The following NAPEPLD variants were observed in gnomAD, a reference collection of about 807,000 sequenced individuals.
The protein encoded by NAPEPLD is N-acyl phosphatidylethanolamine phospholipase D.
A neutral mutation model predicts 38.1 loss-of-function variants in NAPEPLD; 23 were observed. The ratio of observed to expected loss-of-function variants is 0.60; its 90% confidence interval spans 0.43 to 0.86. NAPEPLD has a LOEUF of 0.86. Among genes scored for constraint, NAPEPLD ranks in the 40% least tolerant of loss-of-function variants. The pLI is 0.00. For synonymous variants in NAPEPLD, 147 were observed against 162.0 expected (o/e 0.91, Z 0.71); for missense variants, 411 against 476.8 (o/e 0.86, Z 1.28).
chr7:103,112,026 T>C (rs1191057745), intron 4 of NAPEPLD, among the ~76,000 whole-genome samples: 2 of 151,992 alleles, frequency 1.3e-5, no homozygotes, highest in African/African-American at 2.4e-5. Context: ...CACTGGTCAT[T>C]AGAGAAATGC....
At chr7:103,110,294 A>C (rs1804254947) in intron 4 of NAPEPLD, among the ~76,000 whole-genome samples, 1 of 152,178 alleles carries the variant, frequency 6.6e-6, no homozygotes, top group South Asian at 2.1e-4. Context: ...AAAAAGAGAA[A>C]ATTTCAGGCC....
At chr7:103,130,998 G>A (rs1181987729) in intron 1 of NAPEPLD, among the ~76,000 whole-genome samples, 1 of 152,108 alleles carries the variant, frequency 6.6e-6, no homozygotes, top group Non-Finnish European at 1.5e-5. Flanking sequence ...CAGAAACAAT[G>A]ACCATCCATC....
At chr7:103,106,573 G>A (rs1024974968) in intron 4 of NAPEPLD, among the ~76,000 whole-genome samples, 5 of 152,082 alleles carry the variant, frequency 3.3e-5, no homozygotes, top group African/African-American at 9.7e-5. Flanking sequence ...GGGGAGGGGC[G>A]TCCGCCACTG....
chr7:103,111,943 G>T (rs1169667166), intron 4 of NAPEPLD, among the ~76,000 whole-genome samples: 1 of 152,026 alleles, frequency 6.6e-6, no homozygotes, highest in African/African-American at 2.4e-5. Flanking sequence ...AGTGGGCAAA[G>T]GATATGAACA....
intron 1 of NAPEPLD, chr7:103,148,234 C>T (rs1278317729): frequency 2.1e-6 from 1 of 469,616 alleles, no homozygotes; most frequent in East Asian, 1.5e-4. Context: ...AAGTAGCAAA[C>T]ATTTCATGCT....
intron 1 of NAPEPLD, among the ~76,000 whole-genome samples, chr7:103,136,590 A>C (rs1309741728): frequency 2.1e-5 from 3 of 145,028 alleles, no homozygotes; most frequent in East Asian, 3.9e-4. Flanking sequence ...TGTCTCACAA[A>C]AAAAAAAAAA....
At chr7:103,122,323 T>C (rs1806882609) in intron 2 of NAPEPLD, among the ~76,000 whole-genome samples, 1 of 152,036 alleles carries the variant, frequency 6.6e-6, no homozygotes, top group African/African-American at 2.4e-5. Context: ...GACCCAATTA[T>C]GTTTAGATAA....
At chr7:103,149,392 C>A (rs941362753), upstream of NAPEPLD, 1 of 1,177,220 alleles carries the variant, frequency 8.5e-7, no homozygotes, top group East Asian at 9.3e-5. Context: ...GGCAGGCGCT[C>A]GGGTTCTTCC....
Position 103,103,023 on chromosome 7 carries a change from T to C in NAPEPLD, c.*406A>G, listed in dbSNP as rs1429734783. The stretch of plus-strand genomic sequence containing the variant: ...TGTATTTGTAGGCCTCTGAAAAACA[T>C]CTAGGTAGGTAGAGAGCCTTGACTC... On this transcript the variant is annotated 3_prime_UTR_variant, in exon 5 of 5. Transcript: ENST00000465647. 6.5e-6 allele frequency: 1 copy of C among 153,322 alleles called. No individual in the cohort carries two copies. The highest frequency in any genetic ancestry group is 2.4e-5 in the African/African-American group (1 of 41,490). The allele number at this position is 153,322 out of a possible 1,614,324, so 9.5% of individuals were successfully genotyped here. A position where few individuals can be genotyped will look rare whatever the true frequency, so the allele number is the denominator to read the frequency against.
intron 1 of NAPEPLD, among the ~76,000 whole-genome samples, chr7:103,131,896 A>G (rs1422691056): frequency 2.0e-5 from 3 of 152,086 alleles, no homozygotes; most frequent in Non-Finnish European, 2.9e-5. Context: ...CGAGTGGATC[A>G]CGAGGTCAGG....
intron 4 of NAPEPLD, among the ~76,000 whole-genome samples, 171 bp from the exon 5 acceptor site, chr7:103,103,725 A>G (rs1277545831): frequency 3.3e-5 from 5 of 152,194 alleles, no homozygotes; most frequent in African/African-American, 1.2e-4. Flanking sequence ...TACAGTTTTG[A>G]GTCATGAATT....
intron 1 of NAPEPLD, among the ~76,000 whole-genome samples, chr7:103,144,380 A>G (rs1175512728): frequency 6.6e-6 from 1 of 152,200 alleles, no homozygotes; most frequent in Non-Finnish European, 1.5e-5. Flanking sequence ...TAGTTCTCTT[A>G]TAAATATAAT....
At position 103,141,237 on chromosome 7, in the gene NAPEPLD, GTTGTTTTTTTTTTTT is replaced by G. The variant is rs1475914032; in HGVS notation, c.-17+7559_-17+7573del. ...AATGTACATCAGAATTACCTGTGGAGTTGTTTTTTTTTTTTTTTTTTTTTTTTTGCAAGCAGATAA... is the reference window on the plus strand; with the variant it reads ...AATGTACATCAGAATTACCTGTGGAGTTTTTTTTTTTTTGCAAGCAGATAA... On this transcript the variant is annotated intron_variant, in intron 1 of 4. Coordinates refer to ENST00000465647, the MANE Select transcript of NAPEPLD (RefSeq NM_001122838.3). 5.2e-3 allele frequency: 413 copies of G among 79,166 alleles called. 3 individuals carry two copies. The highest frequency in any genetic ancestry group is 0.039 in the Middle Eastern group (4 of 102). 4.9% of individuals were successfully genotyped at this position (79,166 alleles called of 1,614,324 possible).
intron 4 of NAPEPLD, among the ~76,000 whole-genome samples, chr7:103,111,838 A>G (rs1329926785): frequency 6.6e-6 from 1 of 152,246 alleles, no homozygotes; most frequent in African/African-American, 2.4e-5. Flanking sequence ...AGAATGGGAG[A>G]AAATTTTTGC....
intron 2 of NAPEPLD, among the ~76,000 whole-genome samples, chr7:103,124,232 G>T (rs988089860): frequency 6.6e-6 from 1 of 152,198 alleles, no homozygotes; most frequent in Non-Finnish European, 1.5e-5. Context: ...GCCAAGGTGG[G>T]TGGATCACCT....
At chr7:103,145,145 T>G (rs983419093) in intron 1 of NAPEPLD, among the ~76,000 whole-genome samples, 2 of 152,184 alleles carry the variant, frequency 1.3e-5, no homozygotes, top group African/African-American at 4.8e-5. Flanking sequence ...GTGTGCGCAG[T>G]TTAAACTAAA....
chr7:103,137,681 T>G (rs1810344093), intron 1 of NAPEPLD, among the ~76,000 whole-genome samples: 1 of 151,460 alleles, frequency 6.6e-6, no homozygotes, highest in Non-Finnish European at 1.5e-5. Context: ...CCAGGTGTGG[T>G]GGTGCGCATC....
At chr7:103,148,001 C>G (rs1585915656) in intron 1 of NAPEPLD, 1 of 983,928 alleles carries the variant, frequency 1.0e-6, no homozygotes, top group Non-Finnish European at 1.2e-6. Flanking sequence ...TTTCTTGCAA[C>G]AAAAATCACA....
chr7:103,113,726 G>A (rs908556346), intron 4 of NAPEPLD, among the ~76,000 whole-genome samples: 2 of 150,336 alleles, frequency 1.3e-5, no homozygotes, highest in African/African-American at 2.5e-5. Context: ...TGTCTCCCAG[G>A]TTCAAGTTAT....
Sources: gnomAD v4.1 joint callset for allele counts (sites outside exome capture counted in the v4.1 genomes callset) on GRCh38, gnomAD v4.1.1 for gene constraint, MANE v1.5 for transcripts, NCBI Gene and HGNC (gene_info 2026-07-23, HGNC 2026-07-21) for gene names.